Variants in SUGCT observed in about 807,000 individuals in gnomAD.
SUGCT encodes succinyl-CoA:glutarate CoA-transferase.
SUGCT carries 41 observed loss-of-function variants against 55.0 expected under a neutral mutation model. That is an observed-to-expected ratio of 0.74 (90% CI 0.58 to 0.97). The LOEUF (loss-of-function observed/expected upper bound fraction) is 0.97. Ranked by LOEUF, SUGCT falls within the 50% of genes least tolerant of loss-of-function variation. The probability of loss-of-function intolerance (pLI) is 0.00; values close to 1 mark genes in which losing one functional copy is unlikely to be tolerated. For missense variants in SUGCT, 568 were observed against 547.8 expected, an observed-to-expected ratio of 1.04 and a Z score of -0.37; for synonymous variants, 187 against 200.4, an observed-to-expected ratio of 0.93 and a Z score of 0.56.
chr7:40,320,255 A>AG (rs60232311), intron 9 of SUGCT, among the ~76,000 whole-genome samples: 84,136 of 151,522 alleles, frequency 0.56, 24,667 homozygotes, highest in Non-Finnish European at 0.66. Flanking sequence ...TACAGGCATA[A>AG]CAAAAACGCC....
Position 40,497,514 on chromosome 7 carries a change from A to G in SUGCT, c.1089+1128A>G, listed in dbSNP as rs545465007. 2.0e-5 allele frequency among the ~76,000 whole-genome samples: 3 copies of G among 152,304 alleles called. No homozygotes were observed. The East Asian group carries it at 5.8e-4, about 29-fold the overall frequency. On this transcript the variant is annotated intron_variant, in intron 12 of 13. Transcript: ENST00000335693. Reference sequence around the variant, plus strand: ...ATAATGGTCAATAAGTATTTGAGATAAAGGGGCCCATTTGGTGTGTACTAT... The same window carrying G: ...ATAATGGTCAATAAGTATTTGAGATGAAGGGGCCCATTTGGTGTGTACTAT...
chr7:40,421,584 T>C (rs1787309939), intron 9 of SUGCT, among the ~76,000 whole-genome samples: 1 of 152,208 alleles, frequency 6.6e-6, no homozygotes, highest in African/African-American at 2.4e-5. Flanking sequence ...TGTCAGACTC[T>C]GGAGGCATAG....
At chr7:40,922,274 G>C in the SUGCT span, among the ~76,000 whole-genome samples, 1 of 152,180 alleles carries the variant, frequency 6.6e-6, no homozygotes, top group Non-Finnish European at 1.5e-5. Context: ...AATTGATCAG[G>C]AAAGAGGTGA....
At chr7:40,229,918 T>C (rs1436198040) in intron 6 of SUGCT, among the ~76,000 whole-genome samples, 1 of 152,126 alleles carries the variant, frequency 6.6e-6, no homozygotes, top group Non-Finnish European at 1.5e-5. Context: ...AATCCAGGTA[T>C]GTATGTACAT....
At chr7:40,974,455 C>A in the SUGCT span, among the ~76,000 whole-genome samples, 18 of 152,158 alleles carry the variant, frequency 1.2e-4, no homozygotes, top group Admixed American at 6.5e-4. Context: ...CATATGAAGA[C>A]ACAAAAAGAA....
chr7:40,366,514 A>T (rs1011639424), intron 9 of SUGCT, among the ~76,000 whole-genome samples: 19 of 152,202 alleles, frequency 1.2e-4, no homozygotes, highest in Non-Finnish European at 1.5e-5. Flanking sequence ...CAACCTACTC[A>T]TCTGACAAAG....
At chr7:40,586,767 G>A (rs1797404874) in intron 12 of SUGCT, among the ~76,000 whole-genome samples, 1 of 152,110 alleles carries the variant, frequency 6.6e-6, no homozygotes, top group South Asian at 2.1e-4. Context: ...AGTTGATATT[G>A]GACCTGAGAT....
chr7:40,514,734 A>G (rs1793140106), intron 12 of SUGCT, among the ~76,000 whole-genome samples: 1 of 151,062 alleles, frequency 6.6e-6, no homozygotes, highest in Non-Finnish European at 1.5e-5. Flanking sequence ...AAAAAAAAAA[A>G]AAGGCAAGCT....
intron 9 of SUGCT, among the ~76,000 whole-genome samples, chr7:40,329,791 T>C (rs1796214688): frequency 2.0e-5 from 3 of 152,226 alleles, no homozygotes; most frequent in African/African-American, 7.2e-5. Context: ...GATTTTTCAA[T>C]GGGGATTTGC....
the SUGCT span, among the ~76,000 whole-genome samples, chr7:41,025,293 A>C: frequency 6.6e-6 from 1 of 152,168 alleles, no homozygotes; most frequent in African/African-American, 2.4e-5. Flanking sequence ...CTAGGGTTGG[A>C]TATATCTGGA....
At chr7:40,882,139 C>T in the SUGCT span, among the ~76,000 whole-genome samples, 1 of 152,196 alleles carries the variant, frequency 6.6e-6, no homozygotes, top group Non-Finnish European at 1.5e-5. Context: ...GCTCTCCAGG[C>T]ATCAGAAGAT....
intron 13 of SUGCT, among the ~76,000 whole-genome samples, chr7:40,766,725 C>T (rs1788810368): frequency 6.6e-6 from 1 of 152,140 alleles, no homozygotes; most frequent in African/African-American, 2.4e-5. Context: ...AGCAAATACA[C>T]ATATTTTTCA....
intron 9 of SUGCT, among the ~76,000 whole-genome samples, chr7:40,391,135 A>C (rs1785407717): frequency 6.6e-6 from 1 of 152,204 alleles, no homozygotes; most frequent in Non-Finnish European, 1.5e-5. Flanking sequence ...AAATTAATTC[A>C]AGATGGATTA....
intron 13 of SUGCT, among the ~76,000 whole-genome samples, chr7:40,839,785 A>G (rs1298167024): frequency 1.6e-5 from 1 of 63,368 alleles, no homozygotes; most frequent in Admixed American, 1.6e-4. Context: ...GTTAACCACA[A>G]TTTTGTTTCC....
intron 12 of SUGCT, among the ~76,000 whole-genome samples, chr7:40,545,295 C>T (rs1794930406): frequency 6.6e-6 from 1 of 152,180 alleles, no homozygotes; most frequent in Non-Finnish European, 1.5e-5. Context: ...TGAAAGGTCT[C>T]CTGTGGAGCC....
chr7:40,443,043 G>C (rs1367184504), intron 9 of SUGCT, among the ~76,000 whole-genome samples: 1 of 152,100 alleles, frequency 6.6e-6, no homozygotes, highest in East Asian at 1.9e-4. Context: ...CCCTACAAAG[G>C]ACATGAACTC....
intron 7 of SUGCT, among the ~76,000 whole-genome samples, chr7:40,261,511 T>C (rs1791221273): frequency 1.3e-5 from 2 of 152,162 alleles, no homozygotes; most frequent in African/African-American, 4.8e-5. Context: ...AATGAGATAA[T>C]GTGTAGACAA....
chr7:40,714,618 T>C (rs915404681), intron 12 of SUGCT, among the ~76,000 whole-genome samples: 4 of 152,228 alleles, frequency 2.6e-5, no homozygotes, highest in Admixed American at 2.0e-4. Flanking sequence ...TCTTCTCCAT[T>C]ATTTAAGGAA....
At chr7:40,862,718 G>A (rs1465925982), downstream of SUGCT, among the ~76,000 whole-genome samples, 1 of 148,712 alleles carries the variant, frequency 6.7e-6, no homozygotes, top group Non-Finnish European at 1.5e-5. Flanking sequence ...AAGCAAATGG[G>A]CTTCTTTTTC....
Sources: allele counts gnomAD v4.1 joint callset (sites outside exome capture counted in the v4.1 genomes callset), GRCh38; gene constraint gnomAD v4.1.1; transcripts MANE v1.5; gene names NCBI Gene and HGNC (gene_info 2026-07-23, HGNC 2026-07-21).